Variants in PRSS36 observed in about 807,000 individuals in gnomAD.
PRSS36 encodes serine protease 36.
In PRSS36, 90 loss-of-function variants were observed where a neutral mutation model predicts 94.3. The observed-to-expected ratio is 0.95, with a 90% confidence interval of 0.80 to 1.14. The LOEUF (loss-of-function observed/expected upper bound fraction) is 1.14, where lower values mean the gene tolerates loss of function less well. Ranked by LOEUF, PRSS36 falls within the 50% of genes most tolerant of loss-of-function variation. The probability of loss-of-function intolerance (pLI) is 0.00; values close to 1 mark genes in which losing one functional copy is unlikely to be tolerated. For synonymous variants in PRSS36, 500 were observed against 489.6 expected (o/e 1.02, Z -0.28); for missense variants, 1,158 against 1,135.0 (o/e 1.02, Z -0.29).
intron 12 of PRSS36, 93 bp from the exon 13 acceptor site, chr16:31,140,850 G>C: frequency 7.4e-7 from 1 of 1,345,136 alleles, no homozygotes; most frequent in Non-Finnish European, 1.0e-6. Context: ...CTGGGGTCAT[G>C]CCACTCACTC....
At position 31,143,792 on chromosome 16, in the gene PRSS36, A is replaced by T; in HGVS notation, c.766T>A (p.Phe256Ile). The T allele has an allele frequency of 6.2e-7, 1 of 1,614,016 alleles. No individual in the cohort carries two copies. The highest frequency in any genetic ancestry group is 8.5e-7 in the Non-Finnish European group (1 of 1,180,024). The stretch of plus-strand genomic sequence containing the variant: ...CCAAAGCTGGTGATTCCTGCCTGGA[A>T]CCAGCGGCCGCCTTCCTCACAGACC... ...PLVCEEGGRWFQAGITSFGFG... is the reference protein window; with the variant it reads ...PLVCEEGGRWIQAGITSFGFG... The change falls in exon 7 of 15, where the codon TTC becomes ATC. Residue 256 changes from phenylalanine to isoleucine, a missense_variant. Physicochemically the swap from Phe to Ile is conservative, Grantham distance 21. Transcript: ENST00000268281.
intron 6 of PRSS36, 59 bp downstream of exon 6, chr16:31,145,730 C>T: frequency 6.6e-7 from 1 of 1,517,774 alleles, no homozygotes; most frequent in Non-Finnish European, 8.9e-7. Flanking sequence ...TGTCCTTTAT[C>T]TATTTGTCAC....
intron 7 of PRSS36, 21 bp downstream of exon 7, chr16:31,143,567 C>T (rs1283398893): frequency 6.2e-7 from 1 of 1,613,660 alleles, no homozygotes; most frequent in Admixed American, 1.7e-5. Flanking sequence ...CCGCTTACAT[C>T]CAGGGGTGCC....
In PRSS36 at chr16:31,140,418, G is replaced by A; in HGVS notation, c.2168-3C>T. ...GGAGACAGCAGCAGCCACAGGGACTGGGGAGAGGAGACAAAGTTGTTCCAG... is the reference window on the plus strand; with the variant it reads ...GGAGACAGCAGCAGCCACAGGGACTAGGGAGAGGAGACAAAGTTGTTCCAG... On this transcript the variant is annotated splice_polypyrimidine_tract_variant and splice_region_variant and intron_variant, in intron 13 of 14. Transcript: ENST00000268281. 1 of 1,612,976 alleles carries A rather than the reference G, an allele frequency of 6.2e-7. No homozygotes were observed. The highest frequency in any genetic ancestry group is 1.1e-5 in the South Asian group (1 of 90,894).
chr16:31,149,910 C>A, intron 1 of PRSS36, 89 bp downstream of exon 1: 1 of 1,554,772 alleles, frequency 6.4e-7, no homozygotes, highest in South Asian at 1.1e-5. Flanking sequence ...ACTTCCTGCT[C>A]CCCACACAGA....
Position 31,148,492 on chromosome 16 carries a change from G to A in PRSS36, c.456C>T (p.Gly152=). The change falls in exon 5 of 15, where the codon GGC becomes GGT. Residue 152 remains glycine (G), a synonymous_variant. Coordinates refer to ENST00000268281, the MANE Select transcript of PRSS36 (RefSeq NM_173502.5). ...LLRLASPASL[G]PAVWPVCLPR... ...GCAGGCAGACAGGCCACACGGCGGG[G>A]CCCAGGCTGGCGGGTGAGGCCAGGC... The A allele has an allele frequency of 6.3e-7, 1 of 1,578,880 alleles. No individual in the cohort carries two copies. The highest frequency in any genetic ancestry group is 8.6e-7 in the Non-Finnish European group (1 of 1,167,838).
Position 31,139,079 on chromosome 16 carries a change from C to T in PRSS36, c.*59G>A. The T allele has an allele frequency of 6.7e-7, 1 of 1,499,580 alleles. No homozygotes were observed. The highest frequency in any genetic ancestry group is 8.9e-7 in the Non-Finnish European group (1 of 1,121,814). The allele number at this position is 1,499,580 out of a possible 1,614,324, so 92.9% of individuals were successfully genotyped here. The stretch of plus-strand genomic sequence containing the variant: ...CCAGCCGGCTGGGCCACATTCCAGC[C>T]CCACTGGGCGGGAAGTAGAGGGTGG... On this transcript the variant is annotated 3_prime_UTR_variant, in exon 15 of 15. Coordinates refer to ENST00000268281, the MANE Select transcript of PRSS36 (RefSeq NM_173502.5).
At position 31,141,502 on chromosome 16, in the gene PRSS36, C is replaced by A. The variant is rs768956067; in HGVS notation, c.1868G>T (p.Gly623Val). The change falls in exon 12 of 15, where the codon GGC becomes GTC. Residue 623 changes from glycine to valine, a missense_variant. By Grantham distance (109) the Gly-to-Val change is moderately radical. Transcript: ENST00000268281. ...ACAGTGAGTGGCTGCCAGGACCCAG[C>A]CTGGGGCCAGGAGGATCCCAGTGCA... ...RVCTGILLAP[G>V]WVLAATHCVL... 8.7e-6 allele frequency: 14 copies of A among 1,612,856 alleles called. No homozygotes were observed. In the South Asian group the frequency reaches 1.3e-4, roughly 15 times the overall value.
intron 5 of PRSS36, among the ~76,000 whole-genome samples, chr16:31,146,767 G>A (rs952083751): frequency 1.3e-5 from 2 of 152,122 alleles, no homozygotes; most frequent in Non-Finnish European, 2.9e-5. Flanking sequence ...ATCACCTGAG[G>A]TTAGGAGTTC....
Position 31,140,396 on chromosome 16 carries a change from G to C in PRSS36, c.2187C>G (p.Val729=), listed in dbSNP as rs772844441. 16 of 1,613,878 alleles carry C rather than the reference G, an allele frequency of 9.9e-6. No homozygotes were observed. The highest frequency in any genetic ancestry group is 1.7e-5 in the Admixed American group (1 of 59,970). The change falls in exon 14 of 15, where the codon GTC becomes GTG. Residue 729 remains valine (V), a synonymous_variant. Transcript: ENST00000268281. ...PQDRVPVAAA[V]SILTQRICDC... The stretch of plus-strand genomic sequence containing the variant: ...CACAGATTCGTTGTGTCAAGATGGA[G>C]ACAGCAGCAGCCACAGGGACTGGGG...
Position 31,139,139 on chromosome 16 carries a change from C to G in PRSS36, c.2567G>C (p.Ter856SerextTer43), listed in dbSNP as rs748776467. ...LLLLTLLIQS* is the reference protein window; with the variant it reads ...LLLLTLLIQSS ...AAGTGGTGCTGGGACCCTAGCCCCT[C>G]AGCTCTGGATCAGGAGAGTCAGCAG... Residue 856 changes from the stop codon to serine, a stop_lost, in exon 15 of 15, where the codon TGA (stop) becomes TCA (serine). Coordinates refer to ENST00000268281, the MANE Select transcript of PRSS36 (RefSeq NM_173502.5). The G allele has an allele frequency of 6.5e-7, 1 of 1,549,564 alleles. No homozygotes were observed. The highest frequency in any genetic ancestry group is 1.2e-5 in the South Asian group (1 of 81,334).
At position 31,143,751 on chromosome 16, in the gene PRSS36, C is replaced by T; in HGVS notation, c.807G>A (p.Arg269=). Residue 269 remains arginine (R), a synonymous_variant, in exon 7 of 15, where the codon CGG becomes CGA. Coordinates refer to ENST00000268281, the MANE Select transcript of PRSS36 (RefSeq NM_173502.5). ...CAGTGAAAACTCCAGGGCGGTTTCT[C>T]CGTCCACAGCCAAAGCCAAAGCTGG... is the stretch of plus-strand genomic sequence containing the variant. ...GITSFGFGCG[R]RNRPGVFTAV... The T allele has an allele frequency of 3.1e-6, 5 of 1,614,146 alleles. No homozygotes were observed. The highest frequency in any genetic ancestry group is 3.4e-6 in the Non-Finnish European group (4 of 1,180,032).
chr16:31,140,137 G>A (rs1165878645), intron 14 of PRSS36, among the ~76,000 whole-genome samples, 157 bp downstream of exon 14: 1 of 151,610 alleles, frequency 6.6e-6, no homozygotes, highest in Non-Finnish European at 1.5e-5. Flanking sequence ...CTTGCAGTGA[G>A]CCGAGATCGC....
chr16:31,143,700 T>C lies in PRSS36; in HGVS notation c.858A>G (p.Ile286Met), dbSNP rs1186947277. 1.2e-6 allele frequency: 2 copies of C among 1,614,126 alleles called. No homozygotes were observed. The highest frequency in any genetic ancestry group is 2.2e-5 in the East Asian group (1 of 44,878). The change falls in exon 7 of 15, where the codon ATA (isoleucine) becomes ATG (methionine). Residue 286 changes from isoleucine (I) to methionine (M), a missense_variant. Coordinates refer to ENST00000268281, the MANE Select transcript of PRSS36 (RefSeq NM_173502.5). ...FTAVATYEAW[I>M]REQVMGSEPG... ...GCTCTGAACCCATCACCTGCTCCCG[T>C]ATCCATGCCTCATAGGTAGCCACAG...
intron 6 of PRSS36, among the ~76,000 whole-genome samples, chr16:31,144,205 C>T (rs982897546): frequency 6.6e-6 from 1 of 151,974 alleles, no homozygotes; most frequent in Non-Finnish European, 1.5e-5. Flanking sequence ...GACGGAATCT[C>T]GCTCTGTCTC....
rs1448198786 is a variant in PRSS36, at chr16:31,141,828, G to A, written c.1654C>T (p.His552Tyr). ...TCCAGGTAGGCTCCCCGAGTCACAT[G>A]GCTGATCCATGGGCCATGAGTCTGC... is the stretch of plus-strand genomic sequence containing the variant. ...PLQTHGPWISHVTRGAYLEDQ... is the reference protein window; with the variant it reads ...PLQTHGPWISYVTRGAYLEDQ... Residue 552 changes from histidine (H) to tyrosine (Y), a missense_variant, in exon 11 of 15, where the codon CAT becomes TAT. Transcript: ENST00000268281. 1.2e-6 allele frequency: 2 copies of A among 1,614,198 alleles called. No homozygotes were observed. The highest frequency in any genetic ancestry group is 1.7e-6 in the Non-Finnish European group (2 of 1,180,020).
At position 31,149,736 on chromosome 16, in the gene PRSS36, A is replaced by G. The variant is rs753949918; in HGVS notation, c.38-5T>C. ...CTCCTGGGATGGGACTGATGACTGGAAAGACAGAGGTAGGCAGGAAGAGGC... is the reference window on the plus strand; with the variant it reads ...CTCCTGGGATGGGACTGATGACTGGGAAGACAGAGGTAGGCAGGAAGAGGC... On this transcript the variant is annotated splice_region_variant and splice_polypyrimidine_tract_variant and intron_variant, in intron 1 of 14. Coordinates refer to ENST00000268281, the MANE Select transcript of PRSS36 (RefSeq NM_173502.5). 6.2e-7 allele frequency: 1 copy of G among 1,614,134 alleles called. No homozygotes were observed. Among genetic ancestry groups the G allele is most frequent in the East Asian group, 2.2e-5 (1 of 44,890 alleles).
chr16:31,139,452 C>T, intron 14 of PRSS36, 36 bp from the exon 15 acceptor site: 1 of 1,592,154 alleles, frequency 6.3e-7, no homozygotes, highest in East Asian at 2.3e-5. Context: ...GGGTCTGCTG[C>T]CCTTCCTCTT....
In PRSS36 at chr16:31,140,579, A is replaced by G; in HGVS notation, c.2080T>C (p.Ser694Pro). 6.2e-7 allele frequency: 1 copy of G among 1,603,228 alleles called. No individual in the cohort carries two copies. Among genetic ancestry groups the G allele is most frequent in the Non-Finnish European group, 8.5e-7 (1 of 1,174,612 alleles). The change falls in exon 13 of 15, where the codon TCA (serine) becomes CCA (proline). Residue 694 changes from serine to proline, a missense_variant. Physicochemically the swap from Ser to Pro is moderately conservative, Grantham distance 74. Transcript: ENST00000268281. ...ELSSRVEPSP[S>P]ALPICLHPAG... Reference sequence around the variant, plus strand: ...GGGTGGAGACAGATGGGCAGGGCTGATGGGGAGGGCTCCACCCGGGAGCTC... The same window carrying G: ...GGGTGGAGACAGATGGGCAGGGCTGGTGGGGAGGGCTCCACCCGGGAGCTC...
Sources: gnomAD v4.1 joint callset for allele counts (sites outside exome capture counted in the v4.1 genomes callset) on GRCh38, gnomAD v4.1.1 for gene constraint, MANE v1.5 for transcripts, NCBI Gene and HGNC (gene_info 2026-07-23, HGNC 2026-07-21) for gene names.